The following SETD5 variants were observed in gnomAD, a reference collection of about 807,000 sequenced individuals.
SETD5 encodes the protein SET domain containing 5, also known as histone-lysine N-methyltransferase SETD5.
Under a neutral mutation model 153.3 loss-of-function variants are expected in SETD5, and 44 were observed. The observed-to-expected ratio is 0.29, with a 90% CI of 0.23 to 0.37. The LOEUF is 0.37. Ranked by LOEUF, SETD5 falls within the 10% of genes least tolerant of loss-of-function variation. The pLI, the probability that SETD5 is intolerant of heterozygous loss-of-function variation, is 1.00. For missense variants in SETD5, 1,544 were observed against 1,768.0 expected, an observed-to-expected ratio of 0.87 and a Z score of 2.27; for synonymous variants, 716 against 645.2, an observed-to-expected ratio of 1.11 and a Z score of -1.66.
intron 1 of SETD5, among the ~76,000 whole-genome samples, chr3:9,415,161 A>G (rs534683214): frequency 4.4e-4 from 67 of 152,328 alleles, no homozygotes; most frequent in African/African-American, 1.5e-3. Context: ...AGTTTATACC[A>G]GTTGTATTCC....
chr3:9,467,165 A>G (rs2125536177), intron 18 of SETD5, among the ~76,000 whole-genome samples: 1 of 141,136 alleles, frequency 7.1e-6, no homozygotes, highest in East Asian at 2.4e-4. Flanking sequence ...TGCATTCCAC[A>G]TTCCAGCCTG....
chr3:9,402,844 T>G (rs1575142969), intron 1 of SETD5, among the ~76,000 whole-genome samples: 2 of 152,240 alleles, frequency 1.3e-5, no homozygotes, highest in Non-Finnish European at 2.9e-5. Context: ...CTTGCTGCTC[T>G]GTTTGAGAAA....
chr3:9,418,559 C>T (rs2037892502), intron 1 of SETD5, among the ~76,000 whole-genome samples: 1 of 151,948 alleles, frequency 6.6e-6, no homozygotes, highest in Non-Finnish European at 1.5e-5. Flanking sequence ...AAAAGTGAAT[C>T]ACATAGGCTG....
At chr3:9,470,324 A>G (rs950205438) in intron 18 of SETD5, 135 bp from the exon 19 acceptor site, 2 of 695,162 alleles carry the variant, frequency 2.9e-6, no homozygotes, top group East Asian at 2.6e-5. Flanking sequence ...TTTACAGAAT[A>G]TAATGGCTTT....
chr3:9,446,306 A>AAAAC lies in SETD5; in HGVS notation c.1524+568_1524+569insACAA, dbSNP rs1553624517. On this transcript the variant is annotated intron_variant, in intron 13 of 22. Transcript: ENST00000402198. ...CATCTCAAAAAAAAAAAAAAAAAAA[A>AAAAC]AATCTGGTTTCCGAAAAACTGGCTG... is the stretch of plus-strand genomic sequence containing the variant. Among the ~76,000 whole-genome samples the AAAAC allele has an allele frequency of 4.3e-4, 52 of 120,184 alleles. 4 individuals carry two copies. The highest frequency in any genetic ancestry group is 7.9e-4 in the South Asian group (3 of 3,820). 78.8% of individuals were successfully genotyped at this position (120,184 alleles called of 152,430 possible).
At chr3:9,417,943 T>G (rs1486509358) in intron 1 of SETD5, among the ~76,000 whole-genome samples, 4 of 98,782 alleles carry the variant, frequency 4.0e-5, no homozygotes, top group African/African-American at 1.3e-4. Flanking sequence ...AAGAGTTTTG[T>G]TTTTTTTTTT....
intron 21 of SETD5, 60 bp from the exon 22 acceptor site, chr3:9,475,008 C>A: frequency 6.9e-7 from 1 of 1,439,394 alleles, no homozygotes. Flanking sequence ...TGAAAAATGG[C>A]TCTTTCTTAC....
chr3:9,473,025 C>G (rs557081054), intron 19 of SETD5, among the ~76,000 whole-genome samples: 1 of 152,154 alleles, frequency 6.6e-6, no homozygotes, highest in Admixed American at 6.5e-5. Context: ...CTTCCTCTTA[C>G]CAATTTCCAG....
chr3:9,440,503 C>G lies in SETD5; in HGVS notation c.615C>G (p.Gly205=). ...AQNLDENTTE[G]WENRIRLWTD... Reference sequence around the variant, plus strand: ...ATTTAGATGAGAATACAACTGAGGGCTGGGAAAATCGGATAAGACTATGGA... The same window carrying G: ...ATTTAGATGAGAATACAACTGAGGGGTGGGAAAATCGGATAAGACTATGGA... The change falls in exon 8 of 23, where the codon GGC becomes GGG. Residue 205 remains glycine, a synonymous_variant. Coordinates refer to ENST00000402198, the MANE Select transcript of SETD5 (RefSeq NM_001080517.3). 1 of 1,608,446 alleles carries G rather than the reference C, an allele frequency of 6.2e-7. No homozygotes were observed. The highest frequency in any genetic ancestry group is 8.5e-7 in the Non-Finnish European group (1 of 1,174,906).
intron 16 of SETD5, among the ~76,000 whole-genome samples, chr3:9,452,598 G>A (rs1575499977): frequency 1.2e-5 from 1 of 84,002 alleles, no homozygotes; most frequent in Non-Finnish European, 2.4e-5. Flanking sequence ...AGTGTTTACA[G>A]GTTTACAGTT....
In SETD5 at chr3:9,445,247, G is replaced by A; in HGVS notation, c.1387G>A (p.Asp463Asn). 6.2e-7 allele frequency: 1 copy of A among 1,611,404 alleles called. No individual in the cohort carries two copies. Among genetic ancestry groups the A allele is most frequent in the Non-Finnish European group, 8.5e-7 (1 of 1,178,526 alleles). ...GAATGAGGCTTCAGAGGAGAATAAT[G>A]ACCAGCAATCACAAGAAGTTCCAGA... is the stretch of plus-strand genomic sequence containing the variant. ...QQNEASEENN[D>N]QQSQEVPEKV... Residue 463 changes from aspartate to asparagine, a missense_variant, in exon 12 of 23, where the codon GAC becomes AAC. Asp to Asn is a conservative substitution (Grantham distance 23). This residue lies in a region of SETD5 where 782 missense variants were observed against 787.2 expected (regional missense o/e 0.99). Coordinates refer to ENST00000402198, the MANE Select transcript of SETD5 (RefSeq NM_001080517.3).
At chr3:9,435,366 G>A (rs549728384) in intron 6 of SETD5, among the ~76,000 whole-genome samples, 69 of 151,984 alleles carry the variant, frequency 4.5e-4, no homozygotes, top group African/African-American at 1.4e-3. Flanking sequence ...CATTGTAAAC[G>A]AAATGTGTTG....
At chr3:9,457,474 G>T (rs2043399772) in intron 17 of SETD5, among the ~76,000 whole-genome samples, 2 of 151,738 alleles carry the variant, frequency 1.3e-5, no homozygotes, top group South Asian at 4.1e-4. Context: ...GCAATAGAGT[G>T]AGACTCTGTC....
chr3:9,458,815 T>C (rs2043573732), intron 17 of SETD5, among the ~76,000 whole-genome samples: 2 of 152,188 alleles, frequency 1.3e-5, no homozygotes, highest in South Asian at 4.1e-4. Context: ...TCATTTGTTC[T>C]GCTTGGTATC....
rs543574788 is a variant in SETD5 at position 9,420,701 on chromosome 3, A to T, written c.-176-3766A>T. ...CTTTGCTTGCATTAACTTGCTTCAG[A>T]TTATAAGCCTAATTTTACTGTTCCA... On this transcript the variant is annotated intron_variant, in intron 1 of 22. Coordinates refer to ENST00000402198, the MANE Select transcript of SETD5 (RefSeq NM_001080517.3). Among the ~76,000 whole-genome samples, 4 of 152,202 alleles carry T rather than the reference A, an allele frequency of 2.6e-5. No individual in the cohort carries two copies. The East Asian group carries it at 7.7e-4, about 29-fold the overall frequency.
At chr3:9,400,894 A>T (rs1226833622) in intron 1 of SETD5, among the ~76,000 whole-genome samples, 1 of 152,186 alleles carries the variant, frequency 6.6e-6, no homozygotes, top group Non-Finnish European at 1.5e-5. Context: ...GCGTGGAAAA[A>T]CTTGAAGGAG....
chr3:9,460,931 G>T (rs566597945), intron 17 of SETD5, among the ~76,000 whole-genome samples: 1 of 152,214 alleles, frequency 6.6e-6, no homozygotes, highest in East Asian at 1.9e-4. Flanking sequence ...GGTTAGCAAA[G>T]ACATGATATC....
intron 3 of SETD5, chr3:9,430,291 A>C (rs755112678): frequency 2.8e-5 from 28 of 984,082 alleles, no homozygotes; most frequent in Non-Finnish European, 3.3e-5. Flanking sequence ...ACTTAAAGCT[A>C]CCCTGAGAAA....
chr3:9,402,953 G>T (rs932685445), intron 1 of SETD5, among the ~76,000 whole-genome samples: 22 of 152,282 alleles, frequency 1.4e-4, no homozygotes, highest in African/African-American at 4.6e-4. Context: ...GCTTATGTCA[G>T]ACTGACTCCC....
Sources: allele counts gnomAD v4.1 joint callset (sites outside exome capture counted in the v4.1 genomes callset), GRCh38; gene constraint gnomAD v4.1.1; regional missense constraint gnomAD v4.1.1; transcripts MANE v1.5; gene names NCBI Gene and HGNC (gene_info 2026-07-23, HGNC 2026-07-21).